Variants in SYF2 observed in about 807,000 individuals in gnomAD.
SYF2 encodes pre-mRNA-splicing factor SYF2.
In SYF2, 21 loss-of-function variants were observed where a neutral mutation model predicts 32.7. The ratio of observed to expected loss-of-function variants is 0.64; its 90% CI spans 0.45 to 0.92. SYF2 has a LOEUF of 0.92. Ranked by LOEUF, SYF2 falls within the 40% of genes least tolerant of loss-of-function variation. SYF2 has a pLI of 0.00. For missense variants in SYF2, 278 were observed against 296.5 expected, an observed-to-expected ratio of 0.94 and a Z score of 0.46; for synonymous variants, 114 against 103.9, an observed-to-expected ratio of 1.10 and a Z score of -0.59.
chr1:25,227,069 G>A (rs994879042), intron 5 of SYF2, among the ~76,000 whole-genome samples: 4 of 152,060 alleles, frequency 2.6e-5, no homozygotes, highest in African/African-American at 9.7e-5. Flanking sequence ...GATCACTTGA[G>A]GTCAGGAGTT....
chr1:25,223,698 A>G (rs926276360), intron 6 of SYF2, among the ~76,000 whole-genome samples: 4 of 152,164 alleles, frequency 2.6e-5, no homozygotes, highest in Non-Finnish European at 4.4e-5. Flanking sequence ...ACTGAAGAAG[A>G]TAACTATTGG....
At chr1:25,228,274 A>G in intron 3 of SYF2, 39 bp from the exon 4 acceptor site, 1 of 1,474,834 alleles carries the variant, frequency 6.8e-7, no homozygotes, top group Non-Finnish European at 9.4e-7. Context: ...CAATTATGAT[A>G]CATGCAATAA....
chr1:25,228,920 T>C (rs1638570690), intron 3 of SYF2, 78 bp downstream of exon 3: 1 of 1,527,358 alleles, frequency 6.5e-7, no homozygotes, highest in Non-Finnish European at 8.8e-7. Context: ...AGCCAGTGTA[T>C]ACAACCACCA....
At chr1:25,227,400 C>G (rs1571489350) in intron 5 of SYF2, 42 bp downstream of exon 5, 5 of 1,517,676 alleles carry the variant, frequency 3.3e-6, no homozygotes, top group Non-Finnish European at 4.6e-6. Flanking sequence ...CACACACACA[C>G]ACAAATACAT....
chr1:25,225,242 T>C (rs1031980804), intron 5 of SYF2, 142 bp from the exon 6 acceptor site: 6 of 637,288 alleles, frequency 9.4e-6, no homozygotes, highest in African/African-American at 3.7e-5. Context: ...TAAAAAAACA[T>C]ACAGGCTGGG....
Position 25,229,013 on chromosome 1 carries a change from T to C in SYF2, c.243A>G (p.Glu81=), listed in dbSNP as rs1199101705. ...KKARLEWELK[E]EEKKKECAAR... ...AGTTCCTAACCTTTTTCTTTTCCTC[T>C]TCCTTTAGTTCCCACTCCAAACGAG... Residue 81 remains glutamate (E), a synonymous_variant, in exon 3 of 7, where the codon GAA becomes GAG. Transcript: ENST00000236273. 1.2e-6 allele frequency: 2 copies of C among 1,612,708 alleles called. No homozygotes were observed. Among genetic ancestry groups the C allele is most frequent in the East Asian group, 2.2e-5 (1 of 44,872 alleles).
In SYF2 at chr1:25,226,813, G is replaced by A. The variant is rs117283062; in HGVS notation, c.467+629C>T. On this transcript the variant is annotated intron_variant, in intron 5 of 6. Transcript: ENST00000236273. The stretch of plus-strand genomic sequence containing the variant: ...AGCCTGAGCAACACAGTGAGACCCC[G>A]TCTCCACAAAAAAATTAATTAGCCA... Among the ~76,000 whole-genome samples the A allele has an allele frequency of 3.9e-5, 6 of 152,030 alleles. No individual in the cohort carries two copies. In the East Asian group the frequency reaches 5.8e-4, roughly 15 times the overall value.
intron 4 of SYF2, 117 bp downstream of exon 4, chr1:25,228,001 A>C (rs1009887504): frequency 1.3e-6 from 1 of 797,456 alleles, no homozygotes; most frequent in African/African-American, 1.7e-5. Flanking sequence ...TCTTGGTCTT[A>C]AGCCTCATCA....
At chr1:25,226,154 A>G (rs892276753) in intron 5 of SYF2, among the ~76,000 whole-genome samples, 18 of 152,078 alleles carry the variant, frequency 1.2e-4, no homozygotes, top group Non-Finnish European at 1.0e-4. Flanking sequence ...TCTCAAAAAA[A>G]AAATAAAAAT....
chr1:25,232,262 G>T, intron 1 of SYF2, 51 bp from the exon 2 acceptor site: 1 of 1,577,392 alleles, frequency 6.3e-7, no homozygotes, highest in Non-Finnish European at 8.6e-7. Flanking sequence ...CTTCTCCCAG[G>T]ACTGCCCAGG....
intron 4 of SYF2, among the ~76,000 whole-genome samples, 187 bp downstream of exon 4, chr1:25,227,931 G>T (rs1054595525): frequency 6.6e-6 from 1 of 152,068 alleles, no homozygotes; most frequent in Non-Finnish European, 1.5e-5. Context: ...TTAAAAACCT[G>T]GCTAACTGAA....
At chr1:25,228,379 G>T in intron 3 of SYF2, 144 bp from the exon 4 acceptor site, 1 of 730,164 alleles carries the variant, frequency 1.4e-6, no homozygotes, top group Non-Finnish European at 2.2e-6. Context: ...CTGTCACGCA[G>T]GCTGGAGTGC....
chr1:25,229,751 G>A (rs1202864788), intron 2 of SYF2, among the ~76,000 whole-genome samples: 1 of 151,054 alleles, frequency 6.6e-6, no homozygotes, highest in Admixed American at 6.6e-5. Context: ...CTACAGCCTG[G>A]GTGACAGAGC....
Position 25,232,162 on chromosome 1 carries a change from A to T in SYF2, c.74T>A (p.Leu25Gln). 6.2e-7 allele frequency: 1 copy of T among 1,613,836 alleles called. No homozygotes were observed. Among genetic ancestry groups the T allele is most frequent in the Non-Finnish European group, 8.5e-7 (1 of 1,179,990 alleles). Residue 25 changes from leucine (L) to glutamine (Q), a missense_variant, in exon 2 of 7, where the codon CTG (leucine) becomes CAG (glutamine). Leu to Gln is a moderately radical substitution (Grantham distance 113). Transcript: ENST00000236273. ...TCTCTGTTCGCGCTTCTGAGCGGCC[A>T]GCTCCGCCGCCGCAGCGAGGGACCC... ...EEGSLAAAAE[L>Q]AAQKREQRLR...
chr1:25,228,905 C>T, intron 3 of SYF2, 93 bp downstream of exon 3: 1 of 1,472,020 alleles, frequency 6.8e-7, no homozygotes, highest in Non-Finnish European at 9.1e-7. Context: ...GCAGCTTGGC[C>T]TAAGAGCCAG....
rs867462859 is a variant in SYF2 at position 25,232,194 on chromosome 1, C to T, written c.42G>A (p.Ala14=). 6.2e-7 allele frequency: 1 copy of T among 1,613,714 alleles called. No homozygotes were observed. Residue 14 remains alanine (A), a synonymous_variant, in exon 2 of 7, where the codon GCG becomes GCA. Coordinates refer to ENST00000236273, the MANE Select transcript of SYF2 (RefSeq NM_015484.5). The part of the protein sequence containing the change: ...IAASEVLVDS[A]EEGSLAAAAE... ...CCGCCGCAGCGAGGGACCCCTCCTC[C>T]GCGCTGTCCACCAGCACCTGCGACA...
chr1:25,228,820 G>A (rs1638569042), intron 3 of SYF2, among the ~76,000 whole-genome samples, 178 bp downstream of exon 3: 1 of 152,172 alleles, frequency 6.6e-6, no homozygotes, highest in Admixed American at 6.5e-5. Context: ...TGAGAAAACA[G>A]AGGTACAGAG....
chr1:25,225,186 A>C (rs1400118751), intron 5 of SYF2, 86 bp from the exon 6 acceptor site: 2 of 859,894 alleles, frequency 2.3e-6, no homozygotes, highest in Middle Eastern at 2.2e-4. Flanking sequence ...CATGATAAGA[A>C]AGTATACACA....
At chr1:25,223,611 T>C (rs1638449612) in intron 6 of SYF2, among the ~76,000 whole-genome samples, 180 bp from the exon 7 acceptor site, 1 of 152,214 alleles carries the variant, frequency 6.6e-6, no homozygotes, top group Non-Finnish European at 1.5e-5. Flanking sequence ...ACTCAGAATA[T>C]GAACTGTGAA....
Sources: gnomAD v4.1 joint callset for allele counts (sites outside exome capture counted in the v4.1 genomes callset) on GRCh38, gnomAD v4.1.1 for gene constraint, MANE v1.5 for transcripts, NCBI Gene and HGNC (gene_info 2026-07-23, HGNC 2026-07-21) for gene names.